Variants in STPG2 observed in about 807,000 individuals in gnomAD.
The protein encoded by STPG2 is sperm-tail PG-rich repeat-containing protein 2.
In STPG2, 56 loss-of-function variants were observed where a neutral mutation model predicts 54.2. The ratio of observed to expected loss-of-function variants is 1.03; its 90% CI spans 0.83 to 1.29. The LOEUF (loss-of-function observed/expected upper bound fraction) is 1.29. Ranked by LOEUF, STPG2 falls within the 50% of genes most tolerant of loss-of-function variation. STPG2 has a pLI of 0.00. For missense variants in STPG2, 596 were observed against 544.9 expected (o/e 1.09, Z -0.93); for synonymous variants, 200 against 181.8 (o/e 1.10, Z -0.81).
chr4:97,707,527 A>T (rs1478037769), intron 10 of STPG2, among the ~76,000 whole-genome samples: 1 of 152,156 alleles, frequency 6.6e-6, no homozygotes, highest in African/African-American at 2.4e-5. Flanking sequence ...TCTCAAAAAA[A>T]TGAAAATAAT....
intron 8 of STPG2, among the ~76,000 whole-genome samples, chr4:97,920,891 A>C (rs745955709): frequency 2.1e-4 from 32 of 152,180 alleles, no homozygotes; most frequent in Non-Finnish European, 4.1e-4. Context: ...CAAGAAATTA[A>C]CAACGAAGAG....
chr4:98,130,996 A>T (rs6532723), intron 2 of STPG2, among the ~76,000 whole-genome samples: 57,128 of 146,682 alleles, frequency 0.39, 11,499 homozygotes, highest in Middle Eastern at 0.45. Context: ...TATTCCTACA[A>T]CTCTCCCTTC....
intron 4 of STPG2, among the ~76,000 whole-genome samples, chr4:97,484,826 C>A (rs1029595980): frequency 1.3e-5 from 2 of 151,826 alleles, no homozygotes; most frequent in Admixed American, 6.6e-5. Context: ...TACTAGCTAA[C>A]AAAATCCAAC....
chr4:97,855,723 A>G (rs1729314083), intron 8 of STPG2, among the ~76,000 whole-genome samples: 1 of 152,024 alleles, frequency 6.6e-6, no homozygotes, highest in East Asian at 1.9e-4. Flanking sequence ...CAGTGTTTTT[A>G]TCATGAAATC....
At position 97,993,148 on chromosome 4, in the gene STPG2, C is replaced by G. The variant is rs190752118; in HGVS notation, c.613-11830G>C. On this transcript the variant is annotated intron_variant, in intron 5 of 10. Transcript: ENST00000295268. ...GAGTAGAAGTGATGAAAGTGGGCAT[C>G]CTGGTCTTGCTCCAGTTCTCAGGAA... 8.7e-4 allele frequency among the ~76,000 whole-genome samples: 132 copies of G among 152,238 alleles called. 1 individual carries two copies. Among genetic ancestry groups the G allele is most frequent in the South Asian group, 1.7e-3 (8 of 4,818 alleles).
chr4:97,690,716 C>T (rs1723336355), intron 10 of STPG2, among the ~76,000 whole-genome samples: 1 of 152,154 alleles, frequency 6.6e-6, no homozygotes, highest in East Asian at 1.9e-4. Flanking sequence ...TGTTAATTTA[C>T]ATGATTCCAT....
At chr4:97,623,472 C>CATGTATGTCT (rs1734065067) in intron 10 of STPG2, among the ~76,000 whole-genome samples, 12 of 152,046 alleles carry the variant, frequency 7.9e-5, no homozygotes, top group Admixed American at 6.6e-5. Flanking sequence ...CAAAGGAAGA[C>CATGTATGTCT]ATACATGTGG....
intron 4 of STPG2, among the ~76,000 whole-genome samples, chr4:97,493,720 G>A (rs1049026494): frequency 2.0e-5 from 3 of 151,416 alleles, no homozygotes; most frequent in Admixed American, 6.6e-5. Context: ...CATAAGAAAC[G>A]AGATGTACTA....
At chr4:97,744,365 G>A (rs1725360964) in intron 9 of STPG2, among the ~76,000 whole-genome samples, 1 of 151,038 alleles carries the variant, frequency 6.6e-6, no homozygotes, top group African/African-American at 2.4e-5. Context: ...TTTAATTGTT[G>A]GGAGGAAGTA....
At chr4:98,027,733 C>T (rs1375174432) in intron 5 of STPG2, among the ~76,000 whole-genome samples, 1 of 152,202 alleles carries the variant, frequency 6.6e-6, no homozygotes, top group East Asian at 1.9e-4. Context: ...CTGTGTGGTT[C>T]ACAGCTTCAC....
intron 4 of STPG2, among the ~76,000 whole-genome samples, chr4:97,510,791 C>T (rs1326724430): frequency 1.3e-5 from 2 of 151,996 alleles, no homozygotes; most frequent in East Asian, 3.9e-4. Context: ...AGGGAAGAAT[C>T]GATAATATAT....
At chr4:97,643,275 C>A (rs1377048304) in intron 10 of STPG2, among the ~76,000 whole-genome samples, 1 of 151,506 alleles carries the variant, frequency 6.6e-6, no homozygotes, top group African/African-American at 2.4e-5. Flanking sequence ...CATTTTCTAA[C>A]AGGCTATTTA....
intron 9 of STPG2, among the ~76,000 whole-genome samples, chr4:97,806,035 G>T (rs896279369): frequency 6.6e-6 from 1 of 152,082 alleles, no homozygotes; most frequent in South Asian, 2.1e-4. Context: ...TTGTTCTACC[G>T]AAAAGATACA....
At chr4:97,967,302 C>A (rs1390227726) in intron 7 of STPG2, among the ~76,000 whole-genome samples, 1 of 150,870 alleles carries the variant, frequency 6.6e-6, no homozygotes, top group African/African-American at 2.4e-5. Flanking sequence ...ATCAATTCAA[C>A]AAAAAGAGCT....
intron 8 of STPG2, among the ~76,000 whole-genome samples, chr4:97,866,284 T>C (rs2149147856): frequency 6.6e-6 from 1 of 152,128 alleles, no homozygotes; most frequent in African/African-American, 2.4e-5. Flanking sequence ...GGATAAATGC[T>C]TGATGTGATA....
chr4:97,825,248 T>C (rs892640328), intron 9 of STPG2, among the ~76,000 whole-genome samples: 12 of 152,188 alleles, frequency 7.9e-5, no homozygotes, highest in African/African-American at 2.9e-4. Flanking sequence ...CATTGCATTA[T>C]CTGACAACTT....
At chr4:97,513,372 T>C (rs1054686579) in intron 4 of STPG2, among the ~76,000 whole-genome samples, 8 of 152,074 alleles carry the variant, frequency 5.3e-5, no homozygotes, top group African/African-American at 1.2e-4. Flanking sequence ...ATTGATTTCA[T>C]TGGTCATTGG....
At chr4:97,928,995 G>A (rs1210992201) in intron 8 of STPG2, among the ~76,000 whole-genome samples, 2 of 152,000 alleles carry the variant, frequency 1.3e-5, no homozygotes, top group African/African-American at 2.4e-5. Flanking sequence ...ATTAAGCCCA[G>A]TACCCACTGT....
At chr4:97,628,174 A>G (rs1734182834) in intron 10 of STPG2, among the ~76,000 whole-genome samples, 1 of 152,176 alleles carries the variant, frequency 6.6e-6, no homozygotes, top group African/African-American at 2.4e-5. Flanking sequence ...TGTGTAGTAT[A>G]GTCAGGCAAA....
Sources: gnomAD v4.1 joint callset for allele counts (sites outside exome capture counted in the v4.1 genomes callset) on GRCh38, gnomAD v4.1.1 for gene constraint, MANE v1.5 for transcripts, NCBI Gene and HGNC (gene_info 2026-07-23, HGNC 2026-07-21) for gene names.